FGF1: variants seen among roughly 807,000 people sequenced by gnomAD.
FGF1 encodes the protein beta-endothelial cell growth factor.
FGF1 carries 9 observed loss-of-function variants against 13.4 expected under a neutral mutation model. The ratio of observed to expected loss-of-function variants is 0.67; its 90% CI spans 0.40 to 1.17. FGF1 has a LOEUF of 1.17. Among genes scored for constraint, FGF1 ranks in the 50% most tolerant of loss-of-function variants. FGF1 has a pLI of 0.01. For missense variants in FGF1, 156 were observed against 192.7 expected (o/e 0.81, Z 1.13); for synonymous variants, 93 against 79.0 (o/e 1.18, Z -0.94).
rs1188752218 is a variant in FGF1, at chr5:142,592,343, C to T, written c.*2947G>A. The T allele has an allele frequency of 1.0e-5, 4 of 398,444 alleles. No homozygotes were observed. Among genetic ancestry groups the T allele is most frequent in the Admixed American group, 8.8e-5 (2 of 22,712 alleles). 24.7% of individuals were successfully genotyped at this position (398,444 alleles called of 1,614,324 possible). A position where few individuals can be genotyped will look rare whatever the true frequency, so the allele number is the denominator to read the frequency against. On this transcript the variant is annotated 3_prime_UTR_variant, in exon 4 of 4. Transcript: ENST00000337706. ...GGCTGAGGACTTGGCGCCTTGGGTT[C>T]CTTTGCCTCTGACACAAAGCAAGGA...
At chr5:142,642,322 C>T (rs931577561) in intron 1 of FGF1, among the ~76,000 whole-genome samples, 1 of 152,194 alleles carries the variant, frequency 6.6e-6, no homozygotes, top group Non-Finnish European at 1.5e-5. Flanking sequence ...TTATGAAGTA[C>T]ACTCAAGTTC....
chr5:142,651,809 T>G (rs1473388702), intron 1 of FGF1, among the ~76,000 whole-genome samples: 1 of 151,458 alleles, frequency 6.6e-6, no homozygotes, highest in Non-Finnish European at 1.5e-5. Context: ...CTCCATATAT[T>G]TTTTGTGTCT....
intron 1 of FGF1, among the ~76,000 whole-genome samples, chr5:142,678,212 C>T (rs563279778): frequency 3.3e-5 from 5 of 152,286 alleles, no homozygotes; most frequent in African/African-American, 9.6e-5. Context: ...ACCACTCTCC[C>T]TTACAGTATG....
chr5:142,653,743 T>G (rs250201), intron 1 of FGF1, among the ~76,000 whole-genome samples: 146,064 of 152,278 alleles, frequency 0.96, 70,113 homozygotes, highest in East Asian at 1. Flanking sequence ...ACTTTTATTT[T>G]TGTATTTTCT....
intron 1 of FGF1, among the ~76,000 whole-genome samples, chr5:142,662,203 A>G (rs1769382793): frequency 6.6e-6 from 1 of 152,182 alleles, no homozygotes; most frequent in South Asian, 2.1e-4. Flanking sequence ...TAGTTGCATG[A>G]CACTGTGAAT....
At chr5:142,625,813 A>C (rs1163196983) in intron 1 of FGF1, among the ~76,000 whole-genome samples, 2 of 152,254 alleles carry the variant, frequency 1.3e-5, no homozygotes, top group Non-Finnish European at 2.9e-5. Context: ...TACAATTTCC[A>C]GAACCAGCCT....
At chr5:142,606,210 T>TTC (rs66960743) in intron 2 of FGF1, among the ~76,000 whole-genome samples, 17 of 95,786 alleles carry the variant, frequency 1.8e-4, no homozygotes, top group South Asian at 9.9e-4. Flanking sequence ...GCAACATTCT[T>TTC]TCTCTCTCTG....
intron 1 of FGF1, among the ~76,000 whole-genome samples, chr5:142,653,460 C>T (rs529750637): frequency 3.7e-4 from 57 of 152,306 alleles, no homozygotes; most frequent in African/African-American, 1.4e-3. Flanking sequence ...ACCTCTCCAG[C>T]CCGGCCTCCC....
chr5:142,613,618 G>A (rs1236155877), intron 2 of FGF1, among the ~76,000 whole-genome samples: 1 of 152,240 alleles, frequency 6.6e-6, no homozygotes, highest in Non-Finnish European at 1.5e-5. Context: ...ATCATGAAGC[G>A]TGCAGGCCCC....
intron 1 of FGF1, among the ~76,000 whole-genome samples, chr5:142,665,687 C>T (rs1471516615): frequency 3.9e-5 from 6 of 152,150 alleles, no homozygotes; most frequent in East Asian, 1.9e-4. Context: ...ATGCTTTTAA[C>T]GTTAATAGCT....
chr5:142,634,193 AAG>A (rs66481452), intron 1 of FGF1, among the ~76,000 whole-genome samples: 24,354 of 130,740 alleles, frequency 0.19, 3,170 homozygotes, highest in African/African-American at 0.28. Context: ...ACTCCATCTC[AAG>A]AAAAAAAAAA....
intron 1 of FGF1, among the ~76,000 whole-genome samples, chr5:142,641,205 G>A (rs1312768652): frequency 1.3e-5 from 2 of 151,984 alleles, no homozygotes; most frequent in Admixed American, 1.3e-4. Flanking sequence ...GGGCAATGAG[G>A]ACTAACTGCC....
At chr5:142,653,432 T>C (rs1224772366) in intron 1 of FGF1, among the ~76,000 whole-genome samples, 1 of 152,184 alleles carries the variant, frequency 6.6e-6, no homozygotes, top group Non-Finnish European at 1.5e-5. Context: ...AGATGCTACA[T>C]GGGGTCCAGC....
Position 142,694,001 on chromosome 5 carries a change from T to C in FGF1, c.-35+3621A>G, listed in dbSNP as rs115762327. Reference sequence around the variant, plus strand: ...TCATGGGCAAGTTTTTGTGTGAACATGTGTTCATTTCTCTTGGGTCTAGCA... The same window carrying C: ...TCATGGGCAAGTTTTTGTGTGAACACGTGTTCATTTCTCTTGGGTCTAGCA... On this transcript the variant is annotated intron_variant, in intron 2 of 4. Coordinates refer to the FGF1 transcript ENST00000407758. 1.7e-3 allele frequency among the ~76,000 whole-genome samples: 262 copies of C among 152,174 alleles called. 1 individual carries two copies. The highest frequency in any genetic ancestry group is 6.1e-3 in the African/African-American group (252 of 41,486).
chr5:142,649,188 C>T (rs1337389927), intron 1 of FGF1, among the ~76,000 whole-genome samples: 1 of 152,074 alleles, frequency 6.6e-6, no homozygotes, highest in Non-Finnish European at 1.5e-5. Context: ...CATTTCTATC[C>T]CCCTTCCTTG....
chr5:142,624,706 C>T (rs1252093487), intron 1 of FGF1, among the ~76,000 whole-genome samples: 1 of 152,214 alleles, frequency 6.6e-6, no homozygotes, highest in East Asian at 1.9e-4. Flanking sequence ...TAGAAGTCAA[C>T]AACTTCTACT....
rs142122027 is a variant in FGF1, at chr5:142,649,437, C to T, written c.-34-35276G>A. 6.6e-5 allele frequency among the ~76,000 whole-genome samples: 10 copies of T among 151,476 alleles called. No individual in the cohort carries two copies. In the East Asian group the frequency reaches 1.2e-3, roughly 18 times the overall value. On this transcript the variant is annotated intron_variant, in intron 1 of 3. Coordinates refer to ENST00000337706, the MANE Select transcript of FGF1 (RefSeq NM_000800.5). ...GTTTTTTTTTTTTGAGACGGAGTCTCGCTTTGTCGCCCAGGCTGGAGTGCA... is the reference window on the plus strand; with the variant it reads ...GTTTTTTTTTTTTGAGACGGAGTCTTGCTTTGTCGCCCAGGCTGGAGTGCA...
rs1754839862 is a variant in FGF1, at chr5:142,594,389, C to T, written c.*901G>A. ...CTAGGACCCCAAAGCCTCTGCTTACCAGGGGCCAAGCACAATGTGTGGCAT... is the reference window on the plus strand; with the variant it reads ...CTAGGACCCCAAAGCCTCTGCTTACTAGGGGCCAAGCACAATGTGTGGCAT... On this transcript the variant is annotated 3_prime_UTR_variant, in exon 4 of 4. Coordinates refer to ENST00000337706, the MANE Select transcript of FGF1 (RefSeq NM_000800.5). 6.6e-6 allele frequency: 1 copy of T among 152,276 alleles called. No homozygotes were observed. Among genetic ancestry groups the T allele is most frequent in the South Asian group, 2.1e-4 (1 of 4,836 alleles). 9.4% of individuals were successfully genotyped at this position (152,276 alleles called of 1,614,324 possible).
At chr5:142,619,916 A>T (rs1424814809) in intron 1 of FGF1, among the ~76,000 whole-genome samples, 1 of 152,088 alleles carries the variant, frequency 6.6e-6, no homozygotes, top group Non-Finnish European at 1.5e-5. Context: ...AAAATAAAGT[A>T]AAAAAATTGC....
Sources: gnomAD v4.1 joint callset for allele counts (sites outside exome capture counted in the v4.1 genomes callset) on GRCh38, gnomAD v4.1.1 for gene constraint, MANE v1.5 for transcripts, NCBI Gene and HGNC (gene_info 2026-07-23, HGNC 2026-07-21) for gene names.